Variants in FOXN3 observed in about 807,000 individuals in gnomAD.
FOXN3 encodes the protein forkhead box protein N3.
In FOXN3, 7 loss-of-function variants were observed where a neutral mutation model predicts 38.4. The ratio of observed to expected loss-of-function variants is 0.18; its 90% CI spans 0.10 to 0.34. The LOEUF (loss-of-function observed/expected upper bound fraction) is 0.34. FOXN3 is among the 10% of genes least tolerant of loss of function. The pLI is 1.00. For missense variants in FOXN3, 456 were observed against 613.4 expected (o/e 0.74, Z 2.71); for synonymous variants, 230 against 242.2 (o/e 0.95, Z 0.47).
chr14:89,474,365 C>T (rs770193119), intron 1 of FOXN3, among the ~76,000 whole-genome samples: 2 of 152,196 alleles, frequency 1.3e-5, no homozygotes, highest in Non-Finnish European at 2.9e-5. Flanking sequence ...ATCCTCACCC[C>T]AAGCCTTGTA....
intron 4 of FOXN3, among the ~76,000 whole-genome samples, chr14:89,243,209 T>A (rs1885191569): frequency 6.6e-6 from 1 of 152,148 alleles, no homozygotes; most frequent in African/African-American, 2.4e-5. Flanking sequence ...AACATGTAAA[T>A]TTTTTTAAAA....
chr14:89,188,565 T>TAAA (rs1356319798), intron 4 of FOXN3, among the ~76,000 whole-genome samples: 1 of 152,240 alleles, frequency 6.6e-6, no homozygotes, highest in Non-Finnish European at 1.5e-5. Flanking sequence ...CCATTACGTT[T>TAAA]AAGCTGGCCC....
At position 89,380,957 on chromosome 14, in the gene FOXN3, C is replaced by T. The variant is rs186792149; in HGVS notation, c.544-30149G>A. ...AAGGTTTCAAAACCAGCCTCACCAA[C>T]ATGATGAAACCCCATCTCCACTAAA... On this transcript the variant is annotated intron_variant, in intron 2 of 5. Coordinates refer to ENST00000557258, the MANE Select transcript of FOXN3 (RefSeq NM_005197.4). Among the ~76,000 whole-genome samples the T allele has an allele frequency of 2.6e-3, 402 of 152,058 alleles. 1 individual carries two copies. The highest frequency in any genetic ancestry group is 4.6e-3 in the Non-Finnish European group (315 of 67,972).
At chr14:89,209,370 C>G in intron 4 of FOXN3, among the ~76,000 whole-genome samples, 1 of 152,236 alleles carries the variant, frequency 6.6e-6, no homozygotes, top group East Asian at 1.9e-4. Flanking sequence ...TATTTCAAAT[C>G]CTTAGCCAAC....
In FOXN3 at chr14:89,311,218, G is replaced by A. The variant is rs150779033; in HGVS notation, c.681-30204C>T. 3.0e-3 allele frequency among the ~76,000 whole-genome samples: 445 copies of A among 147,200 alleles called. 4 individuals carry two copies. Among genetic ancestry groups the A allele is most frequent in the African/African-American group, 0.01 (405 of 39,928 alleles). The stretch of plus-strand genomic sequence containing the variant: ...AAAATAAGGTGTATCGGGCCGGTGC[G>A]GTGGCTCATACCTGTAATCCCAGCA... On this transcript the variant is annotated intron_variant, in intron 3 of 5. Transcript: ENST00000557258.
chr14:89,296,957 G>A (rs992772105), intron 3 of FOXN3, among the ~76,000 whole-genome samples: 4 of 152,128 alleles, frequency 2.6e-5, no homozygotes, highest in African/African-American at 9.7e-5. Flanking sequence ...ATTTCTGAAG[G>A]GGCTGGAGGA....
At position 89,508,716 on chromosome 14, in the gene FOXN3, TG is replaced by T. The variant is rs548628399; in HGVS notation, c.-14-96227del. ...TTGCTTCTCCAATGTTCGTGGGCCA[TG>T]GATCACCTGCAGGCCCTGTGAGATG... On this transcript the variant is annotated intron_variant, in intron 1 of 6. Coordinates refer to the FOXN3 transcript ENST00000345097. Among the ~76,000 whole-genome samples, 6 of 152,314 alleles carry T rather than the reference TG, an allele frequency of 3.9e-5. No individual in the cohort carries two copies. The South Asian group carries it at 1.2e-3, about 32-fold the overall frequency.
intron 1 of FOXN3, among the ~76,000 whole-genome samples, chr14:89,477,045 C>T (rs1893226178): frequency 6.6e-6 from 1 of 152,128 alleles, no homozygotes. Flanking sequence ...ATGTACATGG[C>T]CAACTTTTTG....
chr14:89,391,853 A>C, intron 2 of FOXN3, among the ~76,000 whole-genome samples: 1 of 152,176 alleles, frequency 6.6e-6, no homozygotes, highest in Admixed American at 6.5e-5. Flanking sequence ...AAAATGTAAA[A>C]GAAATTAGCC....
Position 89,325,014 on chromosome 14 carries a change from T to C in FOXN3, c.680+25658A>G, listed in dbSNP as rs1888009332. Among the ~76,000 whole-genome samples the C allele has an allele frequency of 2.6e-5, 4 of 152,230 alleles. 1 individual carries two copies. The highest frequency in any genetic ancestry group is 1.3e-4 in the Admixed American group (2 of 15,296). ...ATGGTAGCCTCTTGCCACATGGGAT[T>C]AGTTACATGAAGACTAAAGGAAACT... On this transcript the variant is annotated intron_variant, in intron 3 of 5. Coordinates refer to ENST00000557258, the MANE Select transcript of FOXN3 (RefSeq NM_005197.4).
At chr14:89,375,868 C>CA (rs1890464036) in intron 2 of FOXN3, among the ~76,000 whole-genome samples, 2 of 132,298 alleles carry the variant, frequency 1.5e-5, no homozygotes, top group South Asian at 2.3e-4. Flanking sequence ...CTGCCCCCAG[C>CA]CCCCCAGATT....
intron 1 of FOXN3, among the ~76,000 whole-genome samples, chr14:89,444,156 T>A (rs1195580085): frequency 1.3e-5 from 2 of 151,954 alleles, no homozygotes; most frequent in Non-Finnish European, 2.9e-5. Flanking sequence ...GATGGCATTA[T>A]GAAAGTGGTA....
At chr14:89,467,804 G>GTT (rs68132432) in intron 1 of FOXN3, among the ~76,000 whole-genome samples, 19,198 of 56,666 alleles carry the variant, frequency 0.34, 3,873 homozygotes, top group Middle Eastern at 0.53. Flanking sequence ...TTCTTTCTTT[G>GTT]TTTTTTTTTT....
intron 1 of FOXN3, among the ~76,000 whole-genome samples, chr14:89,581,314 T>C (rs1895734299): frequency 6.6e-6 from 1 of 151,978 alleles, no homozygotes. Flanking sequence ...AAACCCCGTC[T>C]CTACTACAAA....
intron 2 of FOXN3, among the ~76,000 whole-genome samples, chr14:89,354,475 C>T (rs1889115363): frequency 6.7e-6 from 1 of 150,320 alleles, no homozygotes; most frequent in Admixed American, 6.6e-5. Context: ...ATCCGCCCAC[C>T]TTGGCCTCCC....
chr14:89,232,013 A>G (rs1221888760), intron 4 of FOXN3, among the ~76,000 whole-genome samples: 1 of 152,192 alleles, frequency 6.6e-6, no homozygotes, highest in African/African-American at 2.4e-5. Flanking sequence ...GAAGGCGTGG[A>G]GCTAAGCCCC....
chr14:89,499,608 G>A (rs1893755169), intron 1 of FOXN3, among the ~76,000 whole-genome samples: 1 of 152,026 alleles, frequency 6.6e-6, no homozygotes, highest in Non-Finnish European at 1.5e-5. Context: ...TATTGACAGG[G>A]AATGCAAAAG....
chr14:89,480,245 A>G (rs1357307582), intron 1 of FOXN3, among the ~76,000 whole-genome samples: 14 of 152,140 alleles, frequency 9.2e-5, no homozygotes, highest in Admixed American at 9.2e-4. Flanking sequence ...TACTAAAAAT[A>G]CAAAAAAATT....
At chr14:89,236,195 C>T (rs1236820061) in intron 4 of FOXN3, among the ~76,000 whole-genome samples, 1 of 152,176 alleles carries the variant, frequency 6.6e-6, no homozygotes, top group Non-Finnish European at 1.5e-5. Context: ...GTCACAAGAG[C>T]GACTGGAAGC....
Sources: allele counts gnomAD v4.1 joint callset (sites outside exome capture counted in the v4.1 genomes callset), GRCh38; gene constraint gnomAD v4.1.1; transcripts MANE v1.5; gene names NCBI Gene and HGNC (gene_info 2026-07-23, HGNC 2026-07-21).